Variants in C2orf66 observed in about 807,000 individuals in gnomAD.
C2orf66 encodes the protein chromosome 2 open reading frame 66.
In C2orf66, 6 loss-of-function variants were observed where a neutral mutation model predicts 7.0. The observed-to-expected ratio is 0.86, with a 90% CI of 0.47 to 1.69. C2orf66 has a LOEUF of 1.69. C2orf66 is among the 40% of genes most tolerant of loss of function. C2orf66 has a pLI of 0.01. For synonymous variants in C2orf66, 38 were observed against 43.8 expected (o/e 0.87, Z 0.52); for missense variants, 107 against 112.0 (o/e 0.96, Z 0.20).
the C2orf66 span, among the ~76,000 whole-genome samples, chr2:196,823,711 T>C: frequency 5.9e-5 from 9 of 151,818 alleles, no homozygotes; most frequent in Admixed American, 3.3e-4. Flanking sequence ...TTTGATACTT[T>C]GTTTGTCTAG....
chr2:196,828,894 ACAG>A, the C2orf66 span, among the ~76,000 whole-genome samples: 1 of 152,168 alleles, frequency 6.6e-6, no homozygotes, highest in African/African-American at 2.4e-5. Context: ...CTCAGATGGG[ACAG>A]CAACCTGGTC....
chr2:196,827,421 C>T, the C2orf66 span, among the ~76,000 whole-genome samples: 3 of 151,092 alleles, frequency 2.0e-5, no homozygotes, highest in East Asian at 5.8e-4. Flanking sequence ...AACATAAATT[C>T]TTTTTTTTCT....
chr2:196,819,864 G>A, the C2orf66 span, among the ~76,000 whole-genome samples: 2 of 152,170 alleles, frequency 1.3e-5, no homozygotes, highest in African/African-American at 4.8e-5. Flanking sequence ...AATAAGGAGG[G>A]GAGAGATAAT....
the C2orf66 span, among the ~76,000 whole-genome samples, chr2:196,831,452 A>G: frequency 1.3e-5 from 2 of 152,148 alleles, no homozygotes; most frequent in East Asian, 3.9e-4. Flanking sequence ...AGATTTCTCT[A>G]TGGCTTCTGT....
the C2orf66 span, among the ~76,000 whole-genome samples, chr2:196,829,668 C>T: frequency 6.6e-5 from 10 of 151,766 alleles, no homozygotes; most frequent in South Asian, 2.1e-4. Context: ...GGTGCCGAGG[C>T]GGGCGGATCA....
At chr2:196,830,172 G>A in the C2orf66 span, among the ~76,000 whole-genome samples, 1 of 151,992 alleles carries the variant, frequency 6.6e-6, no homozygotes, top group African/African-American at 2.4e-5. Flanking sequence ...GTTTCTAGGA[G>A]GCCTAGCAAG....
chr2:196,831,168 T>C, the C2orf66 span, among the ~76,000 whole-genome samples: 3 of 152,158 alleles, frequency 2.0e-5, no homozygotes, highest in Admixed American at 6.5e-5. Flanking sequence ...AGAGGGAGTC[T>C]CTTTGGCTCC....
the C2orf66 span, among the ~76,000 whole-genome samples, chr2:196,817,577 G>T: frequency 6.6e-6 from 1 of 151,490 alleles, no homozygotes; most frequent in Admixed American, 6.6e-5. Flanking sequence ...CAGAAAACAG[G>T]GTTTGAGAGC....
At chr2:196,821,041 G>A in the C2orf66 span, among the ~76,000 whole-genome samples, 1 of 152,178 alleles carries the variant, frequency 6.6e-6, no homozygotes, top group Admixed American at 6.5e-5. Context: ...GAGAGGCAGG[G>A]GGAGATTTCA....
chr2:196,822,362 T>C, the C2orf66 span, among the ~76,000 whole-genome samples: 1 of 152,284 alleles, frequency 6.6e-6, no homozygotes, highest in Middle Eastern at 3.4e-3. Context: ...TAAACAAAAT[T>C]GAATAAATAA....
At position 196,807,469 on chromosome 2, in the gene C2orf66, A is replaced by G. The variant is rs748939198; in HGVS notation, c.277T>C (p.Ser93Pro). Residue 93 changes from serine to proline, a missense_variant, in exon 2 of 3, where the codon TCC becomes CCC. By Grantham distance (74) the Ser-to-Pro change is moderately conservative (BLOSUM62 -1). Coordinates refer to ENST00000342506, the MANE Select transcript of C2orf66 (RefSeq NM_213608.3). ...ASADYEEQKNSFHNYLKG is the reference protein window; with the variant it reads ...ASADYEEQKNPFHNYLKG ...CAGCCTTTGAGATAATTGTGAAAGG[A>G]GTTTTTCTGCTCTTCATAATCTGCA... 1.2e-5 allele frequency: 19 copies of G among 1,609,672 alleles called. No homozygotes were observed. Among genetic ancestry groups the G allele is most frequent in the Non-Finnish European group, 1.6e-5 (19 of 1,179,020 alleles).
the C2orf66 span, among the ~76,000 whole-genome samples, chr2:196,829,694 A>G: frequency 0.013 from 1,922 of 151,896 alleles, 38 homozygotes; most frequent in African/African-American, 0.041. Context: ...TCTGGAGATA[A>G]AGACCATCCT....
the C2orf66 span, among the ~76,000 whole-genome samples, chr2:196,830,219 G>C: frequency 6.6e-6 from 1 of 152,178 alleles, no homozygotes; most frequent in African/African-American, 2.4e-5. Context: ...CACCAAACTT[G>C]ATTGAGAATT....
chr2:196,809,457 T>TTACAG, upstream of C2orf66: 1 of 1,377,992 alleles, frequency 7.3e-7, no homozygotes, highest in Non-Finnish European at 1.0e-6. Flanking sequence ...GAAGGAGAAA[T>TTACAG]AGCATACTGG....
chr2:196,820,253 T>C, the C2orf66 span, among the ~76,000 whole-genome samples: 1 of 152,152 alleles, frequency 6.6e-6, no homozygotes, highest in African/African-American at 2.4e-5. Flanking sequence ...ATTTATTTAT[T>C]TATTTGTTTT....
chr2:196,827,789 T>TA, the C2orf66 span, among the ~76,000 whole-genome samples: 1 of 152,202 alleles, frequency 6.6e-6, no homozygotes, highest in Admixed American at 6.5e-5. Context: ...TTGTCTTTTG[T>TA]GTTGAGCATG....
the C2orf66 span, among the ~76,000 whole-genome samples, chr2:196,818,618 C>T: frequency 6.6e-6 from 1 of 152,204 alleles, no homozygotes. Flanking sequence ...GATAATCATG[C>T]TTGAGCAAAA....
the C2orf66 span, among the ~76,000 whole-genome samples, chr2:196,822,562 T>C: frequency 1.3e-5 from 2 of 152,222 alleles, no homozygotes; most frequent in Non-Finnish European, 2.9e-5. Context: ...TTTTCTCTAT[T>C]CTTTCATTTT....
rs1269493549 is a variant in C2orf66 at position 196,807,642 on chromosome 2, G to C, written c.124-20C>G. The C allele has an allele frequency of 6.3e-7, 1 of 1,586,006 alleles. No homozygotes were observed. Among genetic ancestry groups the C allele is most frequent in the African/African-American group, 1.4e-5 (1 of 73,280 alleles). On this transcript the variant is annotated intron_variant, in intron 1 of 2. Transcript: ENST00000342506. ...GAAAAACTAAAGAGAGAAAGAAAAT[G>C]GTCAATGCCAGATATAAATGAAACA... is the stretch of plus-strand genomic sequence containing the variant.
Sources: allele counts gnomAD v4.1 joint callset (sites outside exome capture counted in the v4.1 genomes callset), GRCh38; gene constraint gnomAD v4.1.1; transcripts MANE v1.5; gene names NCBI Gene and HGNC (gene_info 2026-07-23, HGNC 2026-07-21).